The following ACSL3 variants were observed in gnomAD, a reference collection of about 807,000 sequenced individuals.
The protein encoded by ACSL3 is acyl-CoA synthetase long chain family member 3, also known as fatty acid CoA ligase Acsl3.
Under a neutral mutation model 84.7 loss-of-function variants are expected in ACSL3, and 34 were observed. That is an observed-to-expected ratio of 0.40 (90% CI 0.31 to 0.53). ACSL3 has a LOEUF of 0.53. ACSL3 is among the 20% of genes least tolerant of loss of function. The pLI is 0.48. For missense variants in ACSL3, 680 were observed against 873.1 expected (o/e 0.78, Z 2.79); for synonymous variants, 315 against 299.4 (o/e 1.05, Z -0.54).
At chr2:222,922,554 G>GCCTC (rs1696768279) in intron 8 of ACSL3, among the ~76,000 whole-genome samples, 154 bp from the exon 9 acceptor site, 3 of 150,688 alleles carry the variant, frequency 2.0e-5, no homozygotes, top group Non-Finnish European at 3.0e-5. Flanking sequence ...GTTTTCACCT[G>GCCTC]TCTCTCTCTC....
chr2:222,905,359 C>T (rs1696266609), intron 3 of ACSL3, among the ~76,000 whole-genome samples: 1 of 152,146 alleles, frequency 6.6e-6, no homozygotes, highest in African/African-American at 2.4e-5. Flanking sequence ...TGAGGTTTTA[C>T]TATATTGCCC....
At chr2:222,899,318 T>C (rs1167884315) in intron 2 of ACSL3, among the ~76,000 whole-genome samples, 2 of 151,070 alleles carry the variant, frequency 1.3e-5, no homozygotes. Context: ...TACTAAAAAA[T>C]ACAAAAATTA....
chr2:222,923,920 G>A (rs1216427471), intron 10 of ACSL3, among the ~76,000 whole-genome samples: 1 of 152,156 alleles, frequency 6.6e-6, no homozygotes, highest in Admixed American at 6.5e-5. Context: ...TCACAGTAAT[G>A]GACCTAGCAA....
intron 2 of ACSL3, among the ~76,000 whole-genome samples, chr2:222,889,714 A>G (rs894638543): frequency 1.3e-5 from 2 of 152,214 alleles, no homozygotes; most frequent in African/African-American, 2.4e-5. Context: ...TCAGAGGAAA[A>G]TGGTTTTTAA....
rs1277975595 is a variant in ACSL3 at position 222,942,047 on chromosome 2, A to T, written c.*393A>T. 1 of 222,670 alleles carries T rather than the reference A, an allele frequency of 4.5e-6. No homozygotes were observed. The highest frequency in any genetic ancestry group is 6.7e-5 in the East Asian group (1 of 14,962). 13.8% of individuals were successfully genotyped at this position (222,670 alleles called of 1,614,324 possible). ...TAAATAGGAAATATAAGAATTGGTT[A>T]TTTGGGGGCTTTTTTACTTACTGTA... is the stretch of plus-strand genomic sequence containing the variant. On this transcript the variant is annotated 3_prime_UTR_variant, in exon 17 of 17. Coordinates refer to ENST00000357430, the MANE Select transcript of ACSL3 (RefSeq NM_004457.5).
chr2:222,880,034 G>A lies in ACSL3; in HGVS notation c.-206-7796G>A, dbSNP rs116739783. On this transcript the variant is annotated intron_variant, in intron 1 of 16. Coordinates refer to ENST00000357430, the MANE Select transcript of ACSL3 (RefSeq NM_004457.5). ...ACTACCTCTGTTAAAATTTTTCTTT[G>A]ATGCTGTGCAACTTACTGAATAAGA... Among the ~76,000 whole-genome samples the A allele has an allele frequency of 7.5e-3, 1,128 of 151,356 alleles. 22 individuals are homozygous for A. Among genetic ancestry groups the A allele is most frequent in the African/African-American group, 0.026 (1,051 of 41,202 alleles).
intron 15 of ACSL3, chr2:222,933,636 TGAGGA>T: frequency 5.9e-6 from 1 of 168,336 alleles, no homozygotes; most frequent in Admixed American, 6.2e-5. Flanking sequence ...GAAGTGGCAG[TGAGGA>T]GTGTGCTGCT....
At chr2:222,936,103 G>A (rs919728578) in intron 16 of ACSL3, among the ~76,000 whole-genome samples, 2 of 152,036 alleles carry the variant, frequency 1.3e-5, no homozygotes, top group African/African-American at 4.8e-5. Context: ...TTTTTAGGTT[G>A]CGTAATACTC....
At chr2:222,911,788 G>A (rs938214874) in intron 4 of ACSL3, among the ~76,000 whole-genome samples, 6 of 152,222 alleles carry the variant, frequency 3.9e-5, no homozygotes, top group East Asian at 1.9e-4. Flanking sequence ...CTAAATGTGC[G>A]TGTGTAAGTG....
rs184159602 is a variant in ACSL3, at chr2:222,875,771, C to G, written c.-206-12059C>G. ...GAGTTTCTACCCCTCCTCCCCTCCC[C>G]TTTTGGGTTGTCCAGTTCAGTGTCA... On this transcript the variant is annotated intron_variant, in intron 1 of 16. Transcript: ENST00000357430. Among the ~76,000 whole-genome samples the G allele has an allele frequency of 2.0e-5, 3 of 152,166 alleles. No homozygotes were observed. The East Asian group carries it at 5.8e-4, about 29-fold the overall frequency.
intron 1 of ACSL3, among the ~76,000 whole-genome samples, chr2:222,873,253 A>G (rs1028004079): frequency 6.6e-6 from 1 of 152,192 alleles, no homozygotes; most frequent in African/African-American, 2.4e-5. Context: ...ATACCTGACC[A>G]TATATTATGT....
chr2:222,869,527 G>A (rs2106082856), intron 1 of ACSL3, among the ~76,000 whole-genome samples: 1 of 152,330 alleles, frequency 6.6e-6, no homozygotes, highest in South Asian at 2.1e-4. Context: ...ATTATTTAAA[G>A]GGGACTAGGA....
At chr2:222,923,561 A>G (rs1696795588) in intron 10 of ACSL3, among the ~76,000 whole-genome samples, 1 of 152,338 alleles carries the variant, frequency 6.6e-6, no homozygotes, top group South Asian at 2.1e-4. Flanking sequence ...ACACCAAACA[A>G]AGTGACAGAG....
chr2:222,866,743 TGCCCCCCCCGC>T (rs1559273418), intron 1 of ACSL3, among the ~76,000 whole-genome samples: 1 of 29,164 alleles, frequency 3.4e-5, no homozygotes, highest in Admixed American at 7.4e-4. Flanking sequence ...AAAACTGCCC[TGCCCCCCCCGC>T]CCCCCCCCCC....
At chr2:222,867,555 A>C (rs1695183580) in intron 1 of ACSL3, among the ~76,000 whole-genome samples, 1 of 152,204 alleles carries the variant, frequency 6.6e-6, no homozygotes, top group Non-Finnish European at 1.5e-5. Context: ...TCCCCACTCA[A>C]AATCACTTAG....
intron 1 of ACSL3, among the ~76,000 whole-genome samples, chr2:222,884,977 T>G (rs1421950194): frequency 6.6e-6 from 1 of 152,216 alleles, no homozygotes; most frequent in African/African-American, 2.4e-5. Flanking sequence ...CTGATGCACT[T>G]CTCATAGTTT....
At chr2:222,901,482 A>G (rs951587384) in intron 3 of ACSL3, among the ~76,000 whole-genome samples, 2 of 110,230 alleles carry the variant, frequency 1.8e-5, no homozygotes, top group Non-Finnish European at 3.6e-5. Context: ...AAATTAAGAC[A>G]TATAAGTCAT....
intron 16 of ACSL3, among the ~76,000 whole-genome samples, chr2:222,935,485 A>G (rs1226279721): frequency 6.6e-6 from 1 of 152,190 alleles, no homozygotes; most frequent in East Asian, 1.9e-4. Flanking sequence ...TGGGACTACA[A>G]GCATGTGTCA....
intron 14 of ACSL3, 173 bp from the exon 15 acceptor site, chr2:222,932,993 T>A: frequency 6.3e-6 from 3 of 478,300 alleles, no homozygotes; most frequent in Non-Finnish European, 3.7e-6. Context: ...AATTAGGGCC[T>A]AATTTTAATA....
Sources: gnomAD v4.1 joint callset for allele counts (sites outside exome capture counted in the v4.1 genomes callset) on GRCh38, gnomAD v4.1.1 for gene constraint, MANE v1.5 for transcripts, NCBI Gene and HGNC (gene_info 2026-07-23, HGNC 2026-07-21) for gene names.